The following TRAF3IP3 variants were observed in gnomAD, a reference collection of about 807,000 sequenced individuals.
The protein encoded by TRAF3IP3 is TRAF3-interacting JNK-activating modulator.
In TRAF3IP3, 64 loss-of-function variants were observed where a neutral mutation model predicts 86.5. That is an observed-to-expected ratio of 0.74 (90% CI 0.60 to 0.91). The LOEUF is 0.91. Among genes scored for constraint, TRAF3IP3 ranks in the 40% least tolerant of loss-of-function variants. TRAF3IP3 has a pLI of 0.00. For missense variants in TRAF3IP3, 579 were observed against 642.9 expected (o/e 0.90, Z 1.07); for synonymous variants, 220 against 243.9 (o/e 0.90, Z 0.91).
In TRAF3IP3 at chr1:209,777,368, A is replaced by G; in HGVS notation, c.1070A>G (p.Asp357Gly). 1 of 1,613,744 alleles carries G rather than the reference A, an allele frequency of 6.2e-7. No individual in the cohort carries two copies. The highest frequency in any genetic ancestry group is 8.5e-7 in the Non-Finnish European group (1 of 1,179,886). Reference sequence around the variant, plus strand: ...TCCTTACAGGGAGCAGATAGCAGGGACTTACAGATGAACCAGGCCCTGCGA... The same window carrying G: ...TCCTTACAGGGAGCAGATAGCAGGGGCTTACAGATGAACCAGGCCCTGCGA... ...QSKLQGADSR[D>G]LQMNQALRFL... The change falls in exon 12 of 17, where the codon GAC becomes GGC. Residue 357 changes from aspartate to glycine, a missense_variant. By Grantham distance (94) the Asp-to-Gly change is moderately conservative. Coordinates refer to ENST00000367025, the MANE Select transcript of TRAF3IP3 (RefSeq NM_025228.4).
At chr1:209,761,696 T>C (rs1190098962) in intron 3 of TRAF3IP3, among the ~76,000 whole-genome samples, 1 of 152,264 alleles carries the variant, frequency 6.6e-6, no homozygotes, top group African/African-American at 2.4e-5. Context: ...GGCTTTCCTT[T>C]GAATATGGAA....
At position 209,781,849 on chromosome 1, in the gene TRAF3IP3, T is replaced by C. The variant is rs1018911038; in HGVS notation, c.1564-207T>C. On this transcript the variant is annotated intron_variant, in intron 16 of 16. Transcript: ENST00000367025. The stretch of plus-strand genomic sequence containing the variant: ...CAGTATTTATATATCTGGTCCCTGA[T>C]GGATACGGCTCCCTGGGCCAGAGAA... 10 of 574,488 alleles carry C rather than the reference T, an allele frequency of 1.7e-5. No individual in the cohort carries two copies. The East Asian group carries it at 2.9e-4, about 17-fold the overall frequency. 35.6% of individuals were successfully genotyped at this position (574,488 alleles called of 1,614,324 possible).
At chr1:209,768,779 TC>T in intron 8 of TRAF3IP3, 1 of 782,994 alleles carries the variant, frequency 1.3e-6, no homozygotes, top group Non-Finnish European at 1.6e-6. Context: ...AAGTGCTTCT[TC>T]CCACATACTG....
rs545734393 is a variant in TRAF3IP3, at chr1:209,757,679, G to A, written c.-159-1355G>A. ...GGCATTCTTGGTCCTAGAAGTGCTA[G>A]TTTAGCTTGGAGCCTTTGTCTTACA... On this transcript the variant is annotated intron_variant, in intron 1 of 16. Coordinates refer to ENST00000367025, the MANE Select transcript of TRAF3IP3 (RefSeq NM_025228.4). 7.9e-5 allele frequency among the ~76,000 whole-genome samples: 12 copies of A among 152,350 alleles called. No homozygotes were observed. The East Asian group carries it at 2.3e-3, about 29-fold the overall frequency.
chr1:209,763,116 G>A (rs1311810930), intron 6 of TRAF3IP3, 24 bp downstream of exon 6: 1 of 1,610,542 alleles, frequency 6.2e-7, no homozygotes. Flanking sequence ...CACTTTGAAG[G>A]GGTCAAATCA....
chr1:209,781,440 C>G lies in TRAF3IP3; in HGVS notation c.1545C>G (p.Ser515Arg). Residue 515 changes from serine to arginine, a missense_variant, in exon 16 of 17, where the codon AGC becomes AGG. By Grantham distance (110) the Ser-to-Arg change is moderately radical. Transcript: ENST00000367025. ...LQHCREELNQ[S>R]QQLPPRRQCG... ...ACTGTCGAGAAGAGCTGAACCAGAG[C>G]CAGCAGCTGCCTCCCAGAGTAAGAG... The G allele has an allele frequency of 6.2e-7, 1 of 1,612,890 alleles. No individual in the cohort carries two copies. Among genetic ancestry groups the G allele is most frequent in the Non-Finnish European group, 8.5e-7 (1 of 1,179,124 alleles).
intron 9 of TRAF3IP3, among the ~76,000 whole-genome samples, chr1:209,774,207 G>A (rs2077605297): frequency 6.6e-6 from 1 of 152,238 alleles, no homozygotes; most frequent in African/African-American, 2.4e-5. Flanking sequence ...AGCTGCGCTT[G>A]TGTCTCCTTA....
chr1:209,770,779 A>T (rs1289843085), intron 8 of TRAF3IP3, among the ~76,000 whole-genome samples: 1 of 54,854 alleles, frequency 1.8e-5, no homozygotes, highest in Non-Finnish European at 3.4e-5. Flanking sequence ...GTGCCTATGG[A>T]GGTGTGTGTG....
At chr1:209,764,420 T>C (rs2077301628) in intron 8 of TRAF3IP3, among the ~76,000 whole-genome samples, 1 of 151,492 alleles carries the variant, frequency 6.6e-6, no homozygotes, top group Admixed American at 6.6e-5. Context: ...GAAGAAGGAA[T>C]AGTATTTTAG....
In TRAF3IP3 at chr1:209,763,433, C is replaced by T. The variant is rs371695095; in HGVS notation, c.606+41C>T. 3.8e-5 allele frequency: 62 copies of T among 1,613,428 alleles called. No individual in the cohort carries two copies. The African/African-American group carries it at 6.8e-4, about 18-fold the overall frequency. ...CCCCTCCCCTCAGTTCCTCCATCCA[C>T]TTACCCCCGATCCTCCAGGTTAATC... On this transcript the variant is annotated intron_variant, in intron 7 of 16. Coordinates refer to ENST00000367025, the MANE Select transcript of TRAF3IP3 (RefSeq NM_025228.4).
intron 9 of TRAF3IP3, among the ~76,000 whole-genome samples, chr1:209,773,389 A>C (rs1226360565): frequency 6.6e-6 from 1 of 152,228 alleles, no homozygotes; most frequent in Admixed American, 6.5e-5. Context: ...CAGATGAGTT[A>C]GATGTTATAA....
In TRAF3IP3 at chr1:209,762,730, T is replaced by TTAGTAACTA. The variant is rs1558217073; in HGVS notation, c.493+68_493+69insTAGTAACTA. Reference sequence around the variant, plus strand: ...TCCTGAGACAACTGTCCCAGCTCACTGGCAATGGAGAGTCCCTGTCCCTCC... The same window carrying TTAGTAACTA: ...TCCTGAGACAACTGTCCCAGCTCACTTAGTAACTAGGCAATGGAGAGTCCCTGTCCCTCC... On this transcript the variant is annotated intron_variant, in intron 4 of 16. Coordinates refer to ENST00000367025, the MANE Select transcript of TRAF3IP3 (RefSeq NM_025228.4). The TTAGTAACTA allele has an allele frequency of 3.6e-4, 389 of 1,092,754 alleles. 1 individual carries two copies. Among genetic ancestry groups the TTAGTAACTA allele is most frequent in the African/African-American group, 1.4e-3 (26 of 18,692 alleles). The allele number at this position is 1,092,754 out of a possible 1,614,324, so 67.7% of individuals were successfully genotyped here.
intron 9 of TRAF3IP3, among the ~76,000 whole-genome samples, chr1:209,773,896 T>C (rs973584239): frequency 1.3e-5 from 2 of 152,264 alleles, no homozygotes; most frequent in African/African-American, 2.4e-5. Context: ...TGGATGGTCA[T>C]TGGATGTCCA....
chr1:209,764,529 G>C (rs1283228286), intron 8 of TRAF3IP3, among the ~76,000 whole-genome samples: 4 of 152,062 alleles, frequency 2.6e-5, no homozygotes, highest in Non-Finnish European at 4.4e-5. Context: ...ATCACCTGAG[G>C]TCAGGAGTTC....
At chr1:209,779,043 C>A in intron 13 of TRAF3IP3, 1 of 496,488 alleles carries the variant, frequency 2.0e-6, no homozygotes, top group East Asian at 3.6e-5. Flanking sequence ...CCATATTTCC[C>A]CTTCTTATAA....
intron 8 of TRAF3IP3, among the ~76,000 whole-genome samples, chr1:209,765,270 GAAGGAAGGAAGGAAGGAAGA>G (rs769935781): frequency 0.12 from 17,142 of 143,216 alleles, 1,814 homozygotes; most frequent in Non-Finnish European, 0.17. Flanking sequence ...AGGAAGGAAG[GAAGGAAGGAAGGAAGGAAGA>G]AATTAAGATA....
chr1:209,780,307 C>T, intron 14 of TRAF3IP3, 163 bp from the exon 15 acceptor site: 1 of 529,184 alleles, frequency 1.9e-6, no homozygotes, highest in Non-Finnish European at 3.1e-6. Context: ...TTAGCAGGGG[C>T]CTACTGGAAG....
intron 2 of TRAF3IP3, among the ~76,000 whole-genome samples, chr1:209,759,580 C>T (rs2077209544): frequency 6.6e-6 from 1 of 152,174 alleles, no homozygotes; most frequent in South Asian, 2.1e-4. Context: ...ATTGGCTCAA[C>T]TTAGCTGCTT....
At chr1:209,771,466 TGC>T (rs1158301156) in intron 8 of TRAF3IP3, among the ~76,000 whole-genome samples, 7 of 143,588 alleles carry the variant, frequency 4.9e-5, no homozygotes, top group East Asian at 2.2e-4. Context: ...TGTGAAGGTG[TGC>T]GTGTGCATAT....
Sources: allele counts gnomAD v4.1 joint callset (sites outside exome capture counted in the v4.1 genomes callset), GRCh38; gene constraint gnomAD v4.1.1; transcripts MANE v1.5; gene names NCBI Gene and HGNC (gene_info 2026-07-23, HGNC 2026-07-21).